Variants in AKAP6 observed in about 807,000 individuals in gnomAD.
AKAP6 encodes A-kinase anchoring protein 6.
A neutral mutation model predicts 188.5 loss-of-function variants in AKAP6; 58 were observed. That is an observed-to-expected ratio of 0.31 (90% CI 0.25 to 0.38). AKAP6 has a LOEUF of 0.38. Ranked by LOEUF, AKAP6 falls within the 10% of genes least tolerant of loss-of-function variation. The pLI is 1.00. For missense variants in AKAP6, 2,710 were observed against 2,740.0 expected, an observed-to-expected ratio of 0.99 and a Z score of 0.24; for synonymous variants, 989 against 998.6, an observed-to-expected ratio of 0.99 and a Z score of 0.18.
intron 2 of AKAP6, among the ~76,000 whole-genome samples, chr14:32,468,868 A>T (rs1327275627): frequency 6.6e-6 from 1 of 152,028 alleles, no homozygotes; most frequent in Non-Finnish European, 1.5e-5. Context: ...CAAAATTATT[A>T]TTTCTAGGAT....
At chr14:32,337,020 A>G (rs888853962) in intron 1 of AKAP6, among the ~76,000 whole-genome samples, 6 of 152,212 alleles carry the variant, frequency 3.9e-5, no homozygotes, top group Non-Finnish European at 4.4e-5. Context: ...TAATTCAAAT[A>G]CTTCCTTGTA....
intron 12 of AKAP6, among the ~76,000 whole-genome samples, chr14:32,781,773 G>A (rs370006873): frequency 2.6e-5 from 4 of 152,080 alleles, no homozygotes; most frequent in East Asian, 3.8e-4. Context: ...GTAATTCATC[G>A]TATTTGCACA....
intron 13 of AKAP6, among the ~76,000 whole-genome samples, chr14:32,826,993 AT>A (rs897424434): frequency 2.0e-5 from 3 of 152,104 alleles, no homozygotes; most frequent in Non-Finnish European, 2.9e-5. Context: ...CCTATTCAGG[AT>A]TTTTTTCAGT....
intron 2 of AKAP6, among the ~76,000 whole-genome samples, chr14:32,468,409 G>A (rs944037063): frequency 6.6e-6 from 1 of 152,076 alleles, no homozygotes; most frequent in Non-Finnish European, 1.5e-5. Flanking sequence ...ACAATGCCTT[G>A]CTCTTTCATG....
chr14:32,417,736 AC>A (rs1280475195), intron 1 of AKAP6: 1 of 152,192 alleles, frequency 6.6e-6, no homozygotes, highest in African/African-American at 2.4e-5. Context: ...CACATTTGAC[AC>A]AGAGAAAAGT....
At chr14:32,715,055 C>T (rs1414194920) in intron 9 of AKAP6, among the ~76,000 whole-genome samples, 2 of 151,740 alleles carry the variant, frequency 1.3e-5, no homozygotes, top group Non-Finnish European at 2.9e-5. Flanking sequence ...GCTATATGGT[C>T]GAAGGCAGAT....
chr14:32,514,395 A>C (rs991902039), intron 2 of AKAP6, among the ~76,000 whole-genome samples: 3 of 152,244 alleles, frequency 2.0e-5, no homozygotes, highest in Non-Finnish European at 4.4e-5. Context: ...GCATAGAAAC[A>C]CATCCTTAGA....
At chr14:32,330,912 C>T (rs889377008) in intron 1 of AKAP6, among the ~76,000 whole-genome samples, 1 of 151,752 alleles carries the variant, frequency 6.6e-6, no homozygotes, top group Non-Finnish European at 1.5e-5. Context: ...CTCAGCCTGG[C>T]TTTATCGCAA....
intron 2 of AKAP6, among the ~76,000 whole-genome samples, chr14:32,492,355 T>G (rs2180867): frequency 0.031 from 2,545 of 82,628 alleles, 86 homozygotes; most frequent in African/African-American, 0.059. Context: ...TATATATATA[T>G]AGAGAGAGAG....
intron 5 of AKAP6, 36 bp downstream of exon 5, chr14:32,577,278 C>A: frequency 1.9e-6 from 3 of 1,594,164 alleles, no homozygotes; most frequent in Non-Finnish European, 2.6e-6. Flanking sequence ...TGTCAATAAT[C>A]AAAGGATTTT....
intron 2 of AKAP6, among the ~76,000 whole-genome samples, chr14:32,502,979 T>C (rs1216213790): frequency 6.6e-6 from 1 of 152,128 alleles, no homozygotes; most frequent in African/African-American, 2.4e-5. Flanking sequence ...TCAATATATA[T>C]AGTATATGCA....
chr14:32,510,451 C>CATATATATGTGTAT (rs1730679581), intron 2 of AKAP6, among the ~76,000 whole-genome samples: 1 of 35,826 alleles, frequency 2.8e-5, no homozygotes, highest in African/African-American at 1.1e-4. Flanking sequence ...TATATATATA[C>CATATATATGTGTAT]ATATATATGT....
intron 4 of AKAP6, among the ~76,000 whole-genome samples, chr14:32,558,552 G>A (rs1014591934): frequency 2.6e-5 from 4 of 152,216 alleles, no homozygotes; most frequent in Admixed American, 6.5e-5. Flanking sequence ...TTGTGCATAT[G>A]CCAGGGTGGA....
chr14:32,749,220 T>C (rs2032030980), intron 11 of AKAP6, among the ~76,000 whole-genome samples: 1 of 152,184 alleles, frequency 6.6e-6, no homozygotes, highest in Admixed American at 6.5e-5. Context: ...GTTTTTTTGA[T>C]TGAGAAGATT....
At chr14:32,579,087 T>C (rs1274582172) in intron 5 of AKAP6, among the ~76,000 whole-genome samples, 1 of 152,178 alleles carries the variant, frequency 6.6e-6, no homozygotes, top group Admixed American at 6.5e-5. Context: ...TTAATTTTAC[T>C]TGACATATTT....
chr14:32,423,050 A>G (rs1309465890), intron 1 of AKAP6, among the ~76,000 whole-genome samples: 1 of 152,142 alleles, frequency 6.6e-6, no homozygotes, highest in Non-Finnish European at 1.5e-5. Flanking sequence ...GAGTGGTTAT[A>G]TTTAACAAAA....
rs1241056689 is a variant in AKAP6, at chr14:32,831,577, T to C, written c.*1772T>C. The C allele has an allele frequency of 1.3e-5, 2 of 152,216 alleles. No individual in the cohort carries two copies. The highest frequency in any genetic ancestry group is 2.9e-5 in the Non-Finnish European group (2 of 68,048). 9.4% of individuals were successfully genotyped at this position (152,216 alleles called of 1,614,324 possible). The stretch of plus-strand genomic sequence containing the variant: ...AAGGCACTATTCTAGATCCAGAAGA[T>C]GCAATGTTGAACAAACAGACAAAGC... On this transcript the variant is annotated 3_prime_UTR_variant, in exon 14 of 14. Transcript: ENST00000280979.
At chr14:32,523,791 TA>T (rs55994452) in intron 2 of AKAP6, among the ~76,000 whole-genome samples, 1,790 of 107,146 alleles carry the variant, frequency 0.017, 16 homozygotes, top group Non-Finnish European at 0.024. Context: ...TCCTCCTGAT[TA>T]AAAAAAAAAA....
At chr14:32,711,735 T>C (rs1891059524) in intron 9 of AKAP6, among the ~76,000 whole-genome samples, 1 of 151,994 alleles carries the variant, frequency 6.6e-6, no homozygotes, top group Non-Finnish European at 1.5e-5. Context: ...AGATCCCCCT[T>C]TGAGCTTTCT....
Sources: allele counts gnomAD v4.1 joint callset (sites outside exome capture counted in the v4.1 genomes callset), GRCh38; gene constraint gnomAD v4.1.1; transcripts MANE v1.5; gene names NCBI Gene and HGNC (gene_info 2026-07-23, HGNC 2026-07-21).